The following RNF216 variants were observed in gnomAD, a reference collection of about 807,000 sequenced individuals.
RNF216 encodes the protein E3 ubiquitin-protein ligase RNF216.
In RNF216, 72 loss-of-function variants were observed where a neutral mutation model predicts 110.8. That is an observed-to-expected ratio of 0.65 (90% CI 0.54 to 0.79). RNF216 has a LOEUF of 0.79. Among genes scored for constraint, RNF216 ranks in the 30% least tolerant of loss-of-function variants. The probability of loss-of-function intolerance (pLI) is 0.00; values close to 1 mark genes in which losing one functional copy is unlikely to be tolerated. For missense variants in RNF216, 1,342 were observed against 1,141.2 expected (o/e 1.18, Z -2.54); for synonymous variants, 495 against 407.5 (o/e 1.21, Z -2.59).
intron 13 of RNF216, among the ~76,000 whole-genome samples, chr7:5,654,507 C>A (rs1214476846): frequency 6.6e-6 from 1 of 151,200 alleles, no homozygotes; most frequent in Non-Finnish European, 1.5e-5. Context: ...GCTAACATGG[C>A]GAAACCCCAC....
chr7:5,720,638 T>G (rs1793361287), intron 9 of RNF216, among the ~76,000 whole-genome samples: 1 of 150,888 alleles, frequency 6.6e-6, no homozygotes, highest in African/African-American at 2.4e-5. Context: ...CCCAAGAGAG[T>G]CTTGGGAAAC....
chr7:5,648,395 C>G (rs920676410), intron 14 of RNF216, among the ~76,000 whole-genome samples: 3 of 151,612 alleles, frequency 2.0e-5, no homozygotes, highest in African/African-American at 2.4e-5. Flanking sequence ...GCGTGAGCCA[C>G]TGTGCCTGAT....
chr7:5,776,439 A>C (rs1415349878), intron 1 of RNF216, among the ~76,000 whole-genome samples: 2 of 151,088 alleles, frequency 1.3e-5, no homozygotes, highest in East Asian at 3.9e-4. Flanking sequence ...AAAAAAGCAC[A>C]AAAAAATTAG....
At chr7:5,739,191 A>C in intron 5 of RNF216, 85 bp downstream of exon 5, 1 of 1,386,276 alleles carries the variant, frequency 7.2e-7, no homozygotes, top group Non-Finnish European at 9.5e-7. Flanking sequence ...TGTATATTTA[A>C]AAATGATTAA....
rs777729192 is a variant in RNF216 at position 5,622,874 on chromosome 7, G to A, written c.2758C>T (p.Arg920Trp). 6.9e-6 allele frequency: 11 copies of A among 1,601,652 alleles called. No homozygotes were observed. Among genetic ancestry groups the A allele is most frequent in the East Asian group, 2.2e-5 (1 of 44,554 alleles). The change falls in exon 17 of 17, where the codon CGG becomes TGG. Residue 920 changes from arginine to tryptophan, a missense_variant. By Grantham distance (101) the Arg-to-Trp change is moderately radical (BLOSUM62 -3). Coordinates refer to ENST00000389902, the MANE Select transcript of RNF216 (RefSeq NM_207111.4). Reference sequence around the variant, plus strand: ...ATTCGGGGCCATCAGAAGCGATGCCGCGGCTGGGGGCCAAAGTGCATGGGC... The same window carrying A: ...ATTCGGGGCCATCAGAAGCGATGCCACGGCTGGGGGCCAAAGTGCATGGGC... ...NLPMHFGPQP[R>W]HRF
chr7:5,649,577 T>C (rs775980474), intron 14 of RNF216: 1 of 151,802 alleles, frequency 6.6e-6, no homozygotes, highest in Non-Finnish European at 1.5e-5. Flanking sequence ...AGGGGCTATA[T>C]GATAAGGAAA....
intron 7 of RNF216, among the ~76,000 whole-genome samples, chr7:5,727,037 TAGG>T: frequency 2.6e-5 from 4 of 152,244 alleles, no homozygotes; most frequent in African/African-American, 9.6e-5. Flanking sequence ...TGGCAGGGGA[TAGG>T]AGGCCTTGGG....
intron 3 of RNF216, among the ~76,000 whole-genome samples, chr7:5,749,126 C>G (rs998462173): frequency 6.7e-6 from 1 of 149,166 alleles, no homozygotes; most frequent in Non-Finnish European, 1.5e-5. Flanking sequence ...CAGCTGTGTT[C>G]TGATCAGCAA....
chr7:5,747,543 C>T (rs539286032), intron 3 of RNF216, among the ~76,000 whole-genome samples: 5 of 152,074 alleles, frequency 3.3e-5, no homozygotes, highest in Admixed American at 6.5e-5. Context: ...AAAATAGATG[C>T]CCCTTTATAA....
Position 5,621,190 on chromosome 7 carries a change from T to TTA in RNF216, c.*1669_*1670insTA, listed in dbSNP as rs1562759541. ...ATCTTAGTTTTTTTTTTTTTTTTTT[T>TTA]AAAGATAGAGTTTTGCTTTTGTTGC... On this transcript the variant is annotated 3_prime_UTR_variant, in exon 17 of 17. Coordinates refer to ENST00000389902, the MANE Select transcript of RNF216 (RefSeq NM_207111.4). 65 of 151,286 alleles carry TTA rather than the reference T, an allele frequency of 4.3e-4. No individual in the cohort carries two copies. The highest frequency in any genetic ancestry group is 1.6e-3 in the African/African-American group (64 of 41,280). 9.4% of individuals were successfully genotyped at this position (151,286 alleles called of 1,614,324 possible). A position where few individuals can be genotyped will look rare whatever the true frequency, so the allele number is the denominator to read the frequency against.
chr7:5,698,090 C>A (rs571433163), intron 13 of RNF216, among the ~76,000 whole-genome samples: 1 of 152,098 alleles, frequency 6.6e-6, no homozygotes, highest in East Asian at 1.9e-4. Flanking sequence ...TTTTATGAGG[C>A]TATGGGGATT....
intron 13 of RNF216, among the ~76,000 whole-genome samples, chr7:5,692,649 C>T (rs936055639): frequency 1.3e-5 from 2 of 152,320 alleles, no homozygotes; most frequent in African/African-American, 2.4e-5. Context: ...CGCCATCCCT[C>T]GCCTCCAGCC....
chr7:5,781,229 C>T (rs1797071579), intron 1 of RNF216, among the ~76,000 whole-genome samples: 1 of 152,132 alleles, frequency 6.6e-6, no homozygotes, highest in South Asian at 2.1e-4. Flanking sequence ...CGCGGTCTCC[C>T]GGGCTGTTGC....
intron 13 of RNF216, among the ~76,000 whole-genome samples, chr7:5,694,723 T>C (rs1791523360): frequency 6.6e-6 from 1 of 152,188 alleles, no homozygotes; most frequent in Non-Finnish European, 1.5e-5. Context: ...GGAAAGTACA[T>C]TCTCTGTAGC....
rs565495484 is a variant in RNF216, at chr7:5,623,682, C to A, written c.2452+374G>T. Reference sequence around the variant, plus strand: ...CTCCTGGGATCCAGTGATGCTCCCACCTCTGCCTCCTGAGGAGCTGGGATC... The same window carrying A: ...CTCCTGGGATCCAGTGATGCTCCCAACTCTGCCTCCTGAGGAGCTGGGATC... On this transcript the variant is annotated intron_variant, in intron 16 of 16. Transcript: ENST00000389902. Among the ~76,000 whole-genome samples, 400 of 152,206 alleles carry A rather than the reference C, an allele frequency of 2.6e-3. 5 individuals carry two copies. Among genetic ancestry groups the A allele is most frequent in the African/African-American group, 9.1e-3 (379 of 41,546 alleles).
Position 5,741,395 on chromosome 7 carries a change from GCTCTGT to G in RNF216, c.616_621del (p.Thr206_Glu207del). The stretch of plus-strand genomic sequence containing the variant: ...GCTGACTCTCCTAGATTTGATAACA[GCTCTGT>G]CTCTGAGTCTTCGGATGACTGGTTC... On this transcript the variant is annotated inframe_deletion, in exon 4 of 17. Coordinates refer to ENST00000389902, the MANE Select transcript of RNF216 (RefSeq NM_207111.4). The G allele has an allele frequency of 6.2e-7, 1 of 1,614,198 alleles. No individual in the cohort carries two copies. The highest frequency in any genetic ancestry group is 8.5e-7 in the Non-Finnish European group (1 of 1,180,028).
At position 5,620,689 on chromosome 7, in the gene RNF216, C is replaced by T. The variant is rs1786298859; in HGVS notation, c.*2171G>A. 1 of 152,394 alleles carries T rather than the reference C, an allele frequency of 6.6e-6. No homozygotes were observed. The highest frequency in any genetic ancestry group is 2.4e-5 in the African/African-American group (1 of 41,448). The allele number at this position is 152,394 out of a possible 1,614,324, so 9.4% of individuals were successfully genotyped here. ...AAATGACCCACCCCTGGGGTTTGGC[C>T]TTAGGAGAAACATCACTCTGGGCTC... is the stretch of plus-strand genomic sequence containing the variant. On this transcript the variant is annotated 3_prime_UTR_variant, in exon 17 of 17. Transcript: ENST00000389902.
At chr7:5,662,103 C>T (rs1045800256) in intron 13 of RNF216, among the ~76,000 whole-genome samples, 6 of 152,164 alleles carry the variant, frequency 3.9e-5, no homozygotes, top group East Asian at 1.9e-4. Flanking sequence ...AAGGCATGGC[C>T]GTGCAGCTGC....
chr7:5,710,971 G>A (rs1792647152), intron 13 of RNF216, among the ~76,000 whole-genome samples: 1 of 152,192 alleles, frequency 6.6e-6, no homozygotes, highest in African/African-American at 2.4e-5. Flanking sequence ...GAAAACAAAA[G>A]AAATAAAGTT....
Sources: gnomAD v4.1 joint callset for allele counts (sites outside exome capture counted in the v4.1 genomes callset) on GRCh38, gnomAD v4.1.1 for gene constraint, MANE v1.5 for transcripts, NCBI Gene and HGNC (gene_info 2026-07-23, HGNC 2026-07-21) for gene names.